The following COBL variants were observed in gnomAD, a reference collection of about 807,000 sequenced individuals.
The protein encoded by COBL is cordon-bleu WH2 repeat protein.
COBL carries 51 observed loss-of-function variants against 98.8 expected under a neutral mutation model. The ratio of observed to expected loss-of-function variants is 0.52; its 90% CI spans 0.41 to 0.65. The LOEUF is 0.65. Ranked by LOEUF, COBL falls within the 30% of genes least tolerant of loss-of-function variation. The pLI is 0.00. For missense variants in COBL, 1,617 were observed against 1,617.5 expected, an observed-to-expected ratio of 1.00 and a Z score of 0.01; for synonymous variants, 634 against 651.7, an observed-to-expected ratio of 0.97 and a Z score of 0.41.
At chr7:51,132,706 T>G (rs898121836) in intron 6 of COBL, among the ~76,000 whole-genome samples, 6 of 152,160 alleles carry the variant, frequency 3.9e-5, no homozygotes, top group African/African-American at 1.4e-4. Flanking sequence ...TTCCATAGAC[T>G]GTACGGGAAG....
At chr7:51,279,939 G>C (rs931083853) in intron 1 of COBL, among the ~76,000 whole-genome samples, 2 of 152,080 alleles carry the variant, frequency 1.3e-5, no homozygotes, top group Non-Finnish European at 2.9e-5. Context: ...TCTATGGCTT[G>C]ATGGCTCATT....
intron 6 of COBL, among the ~76,000 whole-genome samples, chr7:51,126,960 C>T (rs2128996317): frequency 6.6e-6 from 1 of 152,256 alleles, no homozygotes; most frequent in East Asian, 1.9e-4. Context: ...TTCACCCGCT[C>T]ATAAATGTCT....
intron 2 of COBL, among the ~76,000 whole-genome samples, chr7:51,197,698 G>T (rs904086733): frequency 1.3e-5 from 2 of 152,118 alleles, no homozygotes; most frequent in Non-Finnish European, 2.9e-5. Context: ...GAGTGCTCCT[G>T]TATTATGTGC....
chr7:51,191,460 A>C (rs76108431), intron 3 of COBL, among the ~76,000 whole-genome samples: 7,722 of 152,008 alleles, frequency 0.051, 279 homozygotes, highest in Middle Eastern at 0.13. Context: ...AATTTAAAGA[A>C]AAACCCTCCA....
rs753354541 is a variant in COBL at position 51,028,780 on chromosome 7, C to T, written c.2316G>A (p.Arg772=). 15 of 1,614,188 alleles carry T rather than the reference C, an allele frequency of 9.3e-6. No individual in the cohort carries two copies. The South Asian group carries it at 1.6e-4, about 18-fold the overall frequency. ...CCAGGTGTTTTTCCACAGAGTTGCA[C>T]CTCCAGAACTCTCTGACTTTCCCAA... ...QPIGKVREFW[R]CNSVEKHLGR... The change falls in exon 10 of 13, where the codon AGG becomes AGA. Residue 772 remains arginine (R), a synonymous_variant. Transcript: ENST00000265136.
At chr7:51,111,635 C>T (rs558765995) in intron 6 of COBL, among the ~76,000 whole-genome samples, 2 of 152,268 alleles carry the variant, frequency 1.3e-5, no homozygotes. Context: ...CATCTCAATA[C>T]TACATGTCAC....
At chr7:51,088,348 C>T (rs10254580) in intron 6 of COBL, among the ~76,000 whole-genome samples, 8 of 150,972 alleles carry the variant, frequency 5.3e-5, no homozygotes, top group South Asian at 2.1e-4. Context: ...ATTTCCCCCC[C>T]TCTTGGAAAT....
intron 1 of COBL, among the ~76,000 whole-genome samples, chr7:51,314,197 G>C (rs1295693353): frequency 6.6e-6 from 1 of 152,170 alleles, no homozygotes; most frequent in East Asian, 1.9e-4. Context: ...GTGAAATCTC[G>C]TTAATTCACT....
At chr7:51,209,826 C>T (rs1792237577) in intron 2 of COBL, among the ~76,000 whole-genome samples, 1 of 152,182 alleles carries the variant, frequency 6.6e-6, no homozygotes, top group South Asian at 2.1e-4. Flanking sequence ...GCTGTCTCTA[C>T]CCAGTAAACA....
At chr7:51,262,978 C>A (rs896038542) in intron 1 of COBL, among the ~76,000 whole-genome samples, 1 of 152,120 alleles carries the variant, frequency 6.6e-6, no homozygotes, top group Admixed American at 6.5e-5. Context: ...GTAAGCTGGG[C>A]AAGGTGAGGC....
At chr7:51,259,563 G>T in intron 1 of COBL, 3 of 726,998 alleles carry the variant, frequency 4.1e-6, no homozygotes, top group Admixed American at 1.8e-5. Flanking sequence ...CAAAAACCAT[G>T]AGATCTCCTG....
chr7:51,269,311 T>C (rs1429859417), intron 1 of COBL, among the ~76,000 whole-genome samples: 3 of 152,104 alleles, frequency 2.0e-5, no homozygotes, highest in African/African-American at 7.2e-5. Flanking sequence ...CCAGGATGCA[T>C]CCACACAGGG....
intron 1 of COBL, among the ~76,000 whole-genome samples, chr7:51,305,116 A>C (rs190477072): frequency 2.6e-5 from 4 of 152,356 alleles, no homozygotes; most frequent in Non-Finnish European, 5.9e-5. Flanking sequence ...AATCTGTTTC[A>C]ATTATATGTC....
Position 51,263,418 on chromosome 7 carries a change from G to C in COBL, c.42-43474C>G, listed in dbSNP as rs376097835. On this transcript the variant is annotated intron_variant, in intron 1 of 12. Transcript: ENST00000265136. ...ACAAACTGCTTTTGGCAGCAATATG[G>C]GGGGTGGATAAGGAAAGTAGGAGGC... Among the ~76,000 whole-genome samples, 10 of 152,350 alleles carry C rather than the reference G, an allele frequency of 6.6e-5. No individual in the cohort carries two copies. In the East Asian group the frequency reaches 9.7e-4, roughly 15 times the overall value.
intron 5 of COBL, among the ~76,000 whole-genome samples, chr7:51,138,081 G>A (rs1046070240): frequency 6.6e-6 from 1 of 152,120 alleles, no homozygotes; most frequent in Non-Finnish European, 1.5e-5. Context: ...CTCCATGAAG[G>A]CTGCTTTTTA....
chr7:51,065,274 G>A, intron 7 of COBL: 1 of 703,444 alleles, frequency 1.4e-6, no homozygotes, highest in Non-Finnish European at 2.6e-6. Flanking sequence ...AGAGAAGGCT[G>A]AGCAGTGACT....
intron 5 of COBL, among the ~76,000 whole-genome samples, chr7:51,142,917 G>A (rs536008081): frequency 6.6e-6 from 1 of 152,254 alleles, no homozygotes; most frequent in South Asian, 2.1e-4. Flanking sequence ...CAGGCAGGCA[G>A]GATCCTGTGA....
chr7:51,057,637 T>A (rs1427782958), intron 7 of COBL, among the ~76,000 whole-genome samples: 2 of 152,164 alleles, frequency 1.3e-5, no homozygotes, highest in East Asian at 3.8e-4. Context: ...GTCAACAGAC[T>A]ACACAGCCAG....
chr7:51,028,670 G>T lies in COBL; in HGVS notation c.2426C>A (p.Ala809Glu). 2.5e-6 allele frequency: 4 copies of T among 1,612,870 alleles called. No homozygotes were observed. The highest frequency in any genetic ancestry group is 3.4e-6 in the Non-Finnish European group (4 of 1,179,304). ...CTGGGGCGATATTGGCTTGGGGTCT[G>T]CTTGGAGTCTGCTCTCTGGATTCTG... ...QTQNPESRLQ[A>E]DPKPISPQQK... The change falls in exon 10 of 13, where the codon GCA becomes GAA. Residue 809 changes from alanine to glutamate, a missense_variant. By Grantham distance (107) the Ala-to-Glu change is moderately radical (BLOSUM62 -1). This residue lies in a region of COBL where 1,304 missense variants were observed against 1,282.0 expected (regional missense o/e 1.02). Transcript: ENST00000265136.
Sources: allele counts gnomAD v4.1 joint callset (sites outside exome capture counted in the v4.1 genomes callset), GRCh38; gene constraint gnomAD v4.1.1; regional missense constraint gnomAD v4.1.1; transcripts MANE v1.5; gene names NCBI Gene and HGNC (gene_info 2026-07-23, HGNC 2026-07-21).